Variants in HIVEP3 observed in about 807,000 individuals in gnomAD.
The protein encoded by HIVEP3 is transcription factor HIVEP3.
HIVEP3 carries 49 observed loss-of-function variants against 152.8 expected under a neutral mutation model. The ratio of observed to expected loss-of-function variants is 0.32; its 90% confidence interval spans 0.26 to 0.41. The LOEUF (loss-of-function observed/expected upper bound fraction) is 0.41, where lower values mean the gene tolerates loss of function less well. Ranked by LOEUF, HIVEP3 falls within the 10% of genes least tolerant of loss-of-function variation. The pLI, the probability that HIVEP3 is intolerant of heterozygous loss-of-function variation, is 1.00. For synonymous variants in HIVEP3, 1,269 were observed against 1,289.0 expected (o/e 0.98, Z 0.33); for missense variants, 2,790 against 3,103.3 (o/e 0.90, Z 2.40).
intron 1 of HIVEP3, among the ~76,000 whole-genome samples, chr1:41,917,596 C>G (rs566888263): frequency 4.6e-5 from 7 of 152,326 alleles, no homozygotes; most frequent in Non-Finnish European, 1.0e-4. Flanking sequence ...CCAAGTTCCT[C>G]TGCACCACTG....
chr1:41,647,170 C>G (rs1213337314), intron 2 of HIVEP3, among the ~76,000 whole-genome samples: 1 of 152,234 alleles, frequency 6.6e-6, no homozygotes, highest in Admixed American at 6.5e-5. Flanking sequence ...CCTTCCCTCC[C>G]CTTTGCCCTG....
At chr1:41,977,224 A>G (rs576169221) in intron 1 of HIVEP3, among the ~76,000 whole-genome samples, 1 of 152,272 alleles carries the variant, frequency 6.6e-6, no homozygotes, top group South Asian at 2.1e-4. Context: ...CAAGGAGTTC[A>G]GGATAGGGCT....
At chr1:41,835,052 G>A (rs778527100) in intron 1 of HIVEP3, among the ~76,000 whole-genome samples, 11 of 152,190 alleles carry the variant, frequency 7.2e-5, no homozygotes, top group Non-Finnish European at 4.4e-5. Context: ...TCTGAGCACA[G>A]TGGTGAGGCC....
intron 5 of HIVEP3, among the ~76,000 whole-genome samples, chr1:41,551,236 G>A (rs908390198): frequency 9.2e-5 from 14 of 152,246 alleles, no homozygotes; most frequent in South Asian, 2.1e-4. Flanking sequence ...CACGTTGATC[G>A]TGGTGGATAA....
At chr1:41,652,773 T>C (rs556672087) in intron 2 of HIVEP3, among the ~76,000 whole-genome samples, 1 of 152,320 alleles carries the variant, frequency 6.6e-6, no homozygotes, top group South Asian at 2.1e-4. Context: ...GGCAACTCTA[T>C]GTGTGAAAGC....
chr1:41,562,605 C>T (rs200317706), intron 5 of HIVEP3, among the ~76,000 whole-genome samples: 319 of 98,506 alleles, frequency 3.2e-3, no homozygotes, highest in African/African-American at 8.6e-3. Context: ...CTTTCTTTCT[C>T]TCTCTCTCTC....
chr1:41,942,899 CT>C (rs540459792), intron 1 of HIVEP3, among the ~76,000 whole-genome samples: 3 of 148,658 alleles, frequency 2.0e-5, no homozygotes, highest in Non-Finnish European at 3.0e-5. Flanking sequence ...TTTATATTTT[CT>C]TTTTTTTTTC....
At chr1:41,733,581 T>C (rs1646873896) in intron 1 of HIVEP3, among the ~76,000 whole-genome samples, 1 of 152,210 alleles carries the variant, frequency 6.6e-6, no homozygotes, top group African/African-American at 2.4e-5. Context: ...TCCCATCTCC[T>C]ATTCTGTCGC....
chr1:41,735,629 G>GCTGGAGATATGTCTCCAGC (rs1553254382), intron 1 of HIVEP3, among the ~76,000 whole-genome samples: 6 of 152,050 alleles, frequency 3.9e-5, no homozygotes, highest in Non-Finnish European at 8.8e-5. Flanking sequence ...TGGCTGGCAG[G>GCTGGAGATATGTCTCCAGC]CTGGAGATAT....
chr1:41,590,138 G>C (rs563396174), intron 3 of HIVEP3, among the ~76,000 whole-genome samples: 20 of 152,328 alleles, frequency 1.3e-4, no homozygotes, highest in African/African-American at 4.6e-4. Context: ...GGGCTCAGGT[G>C]GTGGCAAAAC....
chr1:42,033,808 C>G (rs1208117105), intron 1 of HIVEP3, among the ~76,000 whole-genome samples: 1 of 152,198 alleles, frequency 6.6e-6, no homozygotes, highest in East Asian at 1.9e-4. Context: ...CTCTTGAAAG[C>G]ATAGGGGCAG....
At chr1:41,947,786 T>C (rs923594020) in intron 1 of HIVEP3, among the ~76,000 whole-genome samples, 1 of 152,182 alleles carries the variant, frequency 6.6e-6, no homozygotes, top group Non-Finnish European at 1.5e-5. Flanking sequence ...TGGCAAAGGG[T>C]TGGCCTCATT....
chr1:41,822,340 T>A (rs1390939669), intron 1 of HIVEP3, among the ~76,000 whole-genome samples: 3 of 152,168 alleles, frequency 2.0e-5, no homozygotes, highest in Non-Finnish European at 2.9e-5. Flanking sequence ...TGTCACTTCC[T>A]CCAAATCCTA....
At position 41,584,451 on chromosome 1, in the gene HIVEP3, C is replaced by T. The variant is rs764535888; in HGVS notation, c.347G>A (p.Gly116Glu). The T allele has an allele frequency of 1.2e-6, 2 of 1,614,058 alleles. No homozygotes were observed. Among genetic ancestry groups the T allele is most frequent in the South Asian group, 1.1e-5 (1 of 91,080 alleles). Residue 116 changes from glycine to glutamate, a missense_variant, in exon 4 of 9, where the codon GGG becomes GAG. Around this residue, in one of 9 missense-constraint regions of HIVEP3, gnomAD observed 209 missense variants for 237.0 expected, o/e 0.88. Coordinates refer to ENST00000372583, the MANE Select transcript of HIVEP3 (RefSeq NM_024503.5). This position sits in a 1 kb window ranked among gnomAD's most constrained non-coding sequence, Gnocchi z 5.2. ...SPGKPEHLLEGSTWQLVDPMR... is the reference protein window; with the variant it reads ...SPGKPEHLLEESTWQLVDPMR... ...GGGGTCAACCAGTTGCCATGTGGAC[C>T]CCTCCAGGAGATGCTCAGGTTTGCC...
At chr1:41,715,958 C>T (rs528158643) in intron 1 of HIVEP3, among the ~76,000 whole-genome samples, 5 of 152,330 alleles carry the variant, frequency 3.3e-5, no homozygotes, top group Admixed American at 1.3e-4. Flanking sequence ...TGGAAGTGGA[C>T]GGTGGGGCCC....
At chr1:42,022,056 C>G (rs1485827789) in intron 1 of HIVEP3, among the ~76,000 whole-genome samples, 2 of 152,186 alleles carry the variant, frequency 1.3e-5, no homozygotes, top group African/African-American at 4.8e-5. Flanking sequence ...GGCCCCACAA[C>G]CAGGAGAAGA....
intron 1 of HIVEP3, among the ~76,000 whole-genome samples, chr1:41,758,649 G>A (rs1456664245): frequency 2.6e-5 from 4 of 152,224 alleles, no homozygotes; most frequent in Admixed American, 2.0e-4. Context: ...CAAATTCCTT[G>A]GGTGATTGTG....
At chr1:41,862,651 A>G (rs1324273688) in intron 1 of HIVEP3, among the ~76,000 whole-genome samples, 4 of 152,078 alleles carry the variant, frequency 2.6e-5, no homozygotes, top group Non-Finnish European at 5.9e-5. Flanking sequence ...CTTTAGACAC[A>G]CTGGGAGTCT....
At position 41,573,888 on chromosome 1, in the gene HIVEP3, G is replaced by A. The variant is rs566352650; in HGVS notation, c.5207+1656C>T. On this transcript the variant is annotated intron_variant, in intron 5 of 8. Coordinates refer to ENST00000372583, the MANE Select transcript of HIVEP3 (RefSeq NM_024503.5). ...AGACCTGGAAGGAGGTGGAGAGGGA[G>A]TAGGACCCATACCAGCTGGAGGAAG... 5.8e-4 allele frequency among the ~76,000 whole-genome samples: 88 copies of A among 152,264 alleles called. 4 individuals carry two copies. The South Asian group carries it at 7.5e-3, about 13-fold the overall frequency.
Sources: gnomAD v4.1 joint callset for allele counts (sites outside exome capture counted in the v4.1 genomes callset) on GRCh38, gnomAD v4.1.1 for gene constraint, gnomAD v4.1.1 regional missense constraint, Gnocchi (gnomAD v3.1) non-coding constraint, MANE v1.5 for transcripts, NCBI Gene and HGNC (gene_info 2026-07-23, HGNC 2026-07-21) for gene names.